SFI1: variants seen among roughly 807,000 people sequenced by gnomAD.
SFI1 encodes the protein protein SFI1 homolog.
Under a neutral mutation model 207.5 loss-of-function variants are expected in SFI1, and 195 were observed. The ratio of observed to expected loss-of-function variants is 0.94; its 90% CI spans 0.84 to 1.06. SFI1 has a LOEUF of 1.06. SFI1 is among the 50% of genes least tolerant of loss of function. The pLI is 0.00. For missense variants in SFI1, 1,634 were observed against 1,588.0 expected (o/e 1.03, Z -0.49); for synonymous variants, 630 against 598.9 (o/e 1.05, Z -0.76).
At chr22:31,578,945 A>G (rs1048511475) in intron 11 of SFI1, among the ~76,000 whole-genome samples, 1 of 152,148 alleles carries the variant, frequency 6.6e-6, no homozygotes, top group Non-Finnish European at 1.5e-5. Context: ...AGCCTAAGGC[A>G]TGGGGAAGTA....
intron 2 of SFI1, among the ~76,000 whole-genome samples, chr22:31,512,113 T>C (rs1271828971): frequency 1.3e-5 from 2 of 152,072 alleles, no homozygotes; most frequent in Non-Finnish European, 2.9e-5. Context: ...CCCCACACTT[T>C]GGGAGGCCGA....
chr22:31,530,567 A>G (rs935043040), intron 3 of SFI1: 5 of 468,222 alleles, frequency 1.1e-5, no homozygotes, highest in African/African-American at 6.1e-5. Flanking sequence ...TGGAGGTACT[A>G]TAAAGCACCA....
At chr22:31,530,897 C>G in intron 3 of SFI1, 161 bp from the exon 4 acceptor site, 2 of 606,848 alleles carry the variant, frequency 3.3e-6, no homozygotes, top group Non-Finnish European at 5.9e-6. Flanking sequence ...CTGCCCCATC[C>G]TATGCCCTGT....
At chr22:31,499,320 G>A (rs569689988) in intron 1 of SFI1, among the ~76,000 whole-genome samples, 11 of 152,086 alleles carry the variant, frequency 7.2e-5, no homozygotes, top group Admixed American at 4.6e-4. Flanking sequence ...TCAGCCTCCC[G>A]AGTAGCTGGG....
rs1403225722 is a variant in SFI1 at position 31,589,508 on chromosome 22, C to T, written c.1475C>T (p.Thr492Ile). The change falls in exon 15 of 33, where the codon ACA (threonine) becomes ATA (isoleucine). Residue 492 changes from threonine (T) to isoleucine (I), a missense_variant. Coordinates refer to ENST00000400288, the MANE Select transcript of SFI1 (RefSeq NM_001007467.3). The stretch of plus-strand genomic sequence containing the variant: ...AGAGCCCTGCCTGCTGCCTTCCACA[C>T]ATGGAACAGACTCTGGCGATGGCGC... ...QQRALPAAFH[T>I]WNRLWRWRHQ... 2 of 1,613,936 alleles carry T rather than the reference C, an allele frequency of 1.2e-6. No homozygotes were observed. Among genetic ancestry groups the T allele is most frequent in the East Asian group, 2.2e-5 (1 of 44,898 alleles).
At chr22:31,582,689 C>T (rs5994404) in intron 12 of SFI1, among the ~76,000 whole-genome samples, 14,377 of 152,112 alleles carry the variant, frequency 0.095, 804 homozygotes, top group Admixed American at 0.16. Context: ...ACTTTTTCAT[C>T]TTGCAAAATT....
At chr22:31,593,060 G>T (rs1210274270) in intron 15 of SFI1, among the ~76,000 whole-genome samples, 1 of 138,678 alleles carries the variant, frequency 7.2e-6, no homozygotes. Flanking sequence ...CCTCCCGGAC[G>T]GCACGGCTGG....
intron 3 of SFI1, chr22:31,530,495 A>AAAAAAAAAC (rs2058405060): frequency 3.5e-6 from 1 of 285,966 alleles, no homozygotes; most frequent in Non-Finnish European, 7.0e-6. Context: ...GTCTCAAAAA[A>AAAAAAAAAC]AAAAAAAAAA....
intron 15 of SFI1, among the ~76,000 whole-genome samples, chr22:31,593,958 A>G (rs1243603430): frequency 1.7e-5 from 2 of 116,190 alleles, no homozygotes; most frequent in Non-Finnish European, 3.4e-5. Context: ...TCGGCTCCGC[A>G]TGAGAGGGAG....
intron 15 of SFI1, among the ~76,000 whole-genome samples, chr22:31,597,085 G>A (rs937083228): frequency 6.6e-6 from 1 of 152,124 alleles, no homozygotes; most frequent in Non-Finnish European, 1.5e-5. Flanking sequence ...CTTCAGTACT[G>A]AAAACATGCA....
intron 15 of SFI1, among the ~76,000 whole-genome samples, chr22:31,597,681 T>C (rs181756674): frequency 1.3e-5 from 2 of 152,318 alleles, no homozygotes; most frequent in East Asian, 3.9e-4. Context: ...CCTGGAGTTG[T>C]TTTAATTTGT....
chr22:31,551,359 G>C (rs2060603038), intron 6 of SFI1, among the ~76,000 whole-genome samples: 1 of 151,928 alleles, frequency 6.6e-6, no homozygotes, highest in African/African-American at 2.4e-5. Flanking sequence ...CTTCCTTCAG[G>C]CCCATTTAAA....
At position 31,593,549 on chromosome 22, in the gene SFI1, C is replaced by A. The variant is rs1455724925; in HGVS notation, c.1544+3972C>A. Reference sequence around the variant, plus strand: ...GCAGAGGGGCTCCTCACATCCCAGACGATGGGCGGCCAGGCAGAGACACTC... The same window carrying A: ...GCAGAGGGGCTCCTCACATCCCAGAAGATGGGCGGCCAGGCAGAGACACTC... On this transcript the variant is annotated intron_variant, in intron 15 of 32. Transcript: ENST00000400288. 5.8e-5 allele frequency among the ~76,000 whole-genome samples: 7 copies of A among 120,238 alleles called. No homozygotes were observed. The East Asian group carries it at 1.8e-3, about 31-fold the overall frequency. 78.9% of individuals were successfully genotyped at this position (120,238 alleles called of 152,430 possible).
chr22:31,609,219 C>T (rs940678246), intron 22 of SFI1, among the ~76,000 whole-genome samples: 2 of 152,066 alleles, frequency 1.3e-5, no homozygotes, highest in Non-Finnish European at 2.9e-5. Flanking sequence ...GGGATGGTCT[C>T]GATCTCCTCA....
intron 16 of SFI1, 114 bp downstream of exon 16, chr22:31,602,407 C>T: frequency 8.2e-7 from 1 of 1,212,956 alleles, no homozygotes. Flanking sequence ...GGGCCCCTGC[C>T]TGTGACTGTT....
chr22:31,539,208 C>T (rs1298590084), intron 4 of SFI1, among the ~76,000 whole-genome samples: 6 of 152,190 alleles, frequency 3.9e-5, no homozygotes, highest in South Asian at 2.1e-4. Context: ...ATCTCTCCCC[C>T]GAGTGACTCC....
Position 31,604,886 on chromosome 22 carries a change from G to A in SFI1, c.1995G>A (p.Val665=), listed in dbSNP as rs8142346. The change falls in exon 20 of 33, where the codon GTG becomes GTA. Residue 665 remains valine, a synonymous_variant. Coordinates refer to ENST00000400288, the MANE Select transcript of SFI1 (RefSeq NM_001007467.3). Reference sequence around the variant, plus strand: ...CCCTACAGACTTACCAGGGCAGGGTGCGAAGCATCCTCCGGGAGGTGGCAG... The same window carrying A: ...CCCTACAGACTTACCAGGGCAGGGTACGAAGCATCCTCCGGGAGGTGGCAG... ...LQAWVTYQGR[V]RSILREVAAR... The A allele has an allele frequency of 0.031, 50,031 of 1,612,028 alleles. 892 individuals are homozygous for A. Among genetic ancestry groups the A allele is most frequent in the Non-Finnish European group, 0.036 (42,292 of 1,178,918 alleles).
chr22:31,560,408 T>G (rs1164220371), intron 7 of SFI1, among the ~76,000 whole-genome samples: 11 of 148,992 alleles, frequency 7.4e-5, no homozygotes, highest in Non-Finnish European at 1.5e-5. Flanking sequence ...CTCTTTTTTT[T>G]TTTTTTTTTT....
intron 16 of SFI1, 152 bp from the exon 17 acceptor site, chr22:31,602,455 G>A (rs369400492): frequency 9.0e-7 from 1 of 1,117,264 alleles, no homozygotes; most frequent in Non-Finnish European, 1.3e-6. Context: ...TCCTTTCTCA[G>A]TGGAGCCTAC....
Sources: gnomAD v4.1 joint callset for allele counts (sites outside exome capture counted in the v4.1 genomes callset) on GRCh38, gnomAD v4.1.1 for gene constraint, MANE v1.5 for transcripts, NCBI Gene and HGNC (gene_info 2026-07-23, HGNC 2026-07-21) for gene names.